KIRREL1: variants seen among roughly 807,000 people sequenced by gnomAD.
KIRREL1 encodes kin of IRRE-like protein 1.
A neutral mutation model predicts 83.3 loss-of-function variants in KIRREL1; 25 were observed. The ratio of observed to expected loss-of-function variants is 0.30; its 90% CI spans 0.22 to 0.42. KIRREL1 has a LOEUF of 0.42. KIRREL1 is among the 10% of genes least tolerant of loss of function. The pLI, the probability that KIRREL1 is intolerant of heterozygous loss-of-function variation, is 1.00. For missense variants in KIRREL1, 812 were observed against 1,032.3 expected (o/e 0.79, Z 2.92); for synonymous variants, 388 against 410.4 (o/e 0.95, Z 0.66).
At chr1:158,040,831 C>A (rs1049072473) in intron 1 of KIRREL1, among the ~76,000 whole-genome samples, 2 of 152,076 alleles carry the variant, frequency 1.3e-5, no homozygotes, top group Non-Finnish European at 2.9e-5. Flanking sequence ...AAGTTGGGAA[C>A]CTGGTTATGA....
In KIRREL1 at chr1:158,094,295, A is replaced by G. The variant is rs776112387; in HGVS notation, c.1720-18A>G. The stretch of plus-strand genomic sequence containing the variant: ...CAGGGCTTCCGTCTGCTGACGTCCC[A>G]CTCCTGCTGCTCCACAGTCGTTTAA... On this transcript the variant is annotated intron_variant, in intron 13 of 14. Transcript: ENST00000359209. This position sits in a 1 kb window ranked among gnomAD's most constrained non-coding sequence, Gnocchi z 4.6. The G allele has an allele frequency of 3.8e-6, 6 of 1,591,890 alleles. No homozygotes were observed. Among genetic ancestry groups the G allele is most frequent in the Middle Eastern group, 3.3e-4 (2 of 6,038 alleles).
chr1:158,065,280 A>G (rs1290607675), intron 1 of KIRREL1, among the ~76,000 whole-genome samples: 1 of 152,160 alleles, frequency 6.6e-6, no homozygotes, highest in Non-Finnish European at 1.5e-5. Context: ...GGACCCAGGC[A>G]CCATTCTGGC....
chr1:158,039,500 G>A (rs887088019), intron 1 of KIRREL1, among the ~76,000 whole-genome samples: 6 of 152,168 alleles, frequency 3.9e-5, no homozygotes, highest in South Asian at 2.1e-4. Context: ...AAGGCTGAGC[G>A]GGATGTGAGA....
intron 1 of KIRREL1, among the ~76,000 whole-genome samples, chr1:158,069,721 C>T (rs1451782280): frequency 6.6e-6 from 1 of 152,200 alleles, no homozygotes; most frequent in Non-Finnish European, 1.5e-5. Flanking sequence ...GAGCCAGTGG[C>T]CTGGCTCCTT....
At chr1:158,077,020 C>T (rs1047072140) in intron 2 of KIRREL1, among the ~76,000 whole-genome samples, 4 of 152,178 alleles carry the variant, frequency 2.6e-5, no homozygotes, top group African/African-American at 9.7e-5. Flanking sequence ...GGTTGCAGGC[C>T]GGTCTGCCTT....
intron 1 of KIRREL1, among the ~76,000 whole-genome samples, chr1:158,063,554 A>G (rs1661273772): frequency 6.6e-6 from 1 of 152,186 alleles, no homozygotes; most frequent in African/African-American, 2.4e-5. Flanking sequence ...ATAGAATGTG[A>G]TGAGCAGGCA....
intron 1 of KIRREL1, among the ~76,000 whole-genome samples, chr1:158,068,659 T>C (rs888520309): frequency 1.3e-5 from 2 of 152,194 alleles, no homozygotes; most frequent in Non-Finnish European, 2.9e-5. Flanking sequence ...CTATCAGAAG[T>C]GCCAATCTCT....
intron 1 of KIRREL1, among the ~76,000 whole-genome samples, chr1:158,069,320 G>GTGTGTGTA (rs934903898): frequency 6.6e-6 from 1 of 151,562 alleles, no homozygotes; most frequent in African/African-American, 2.4e-5. Context: ...GTGTGTGTGT[G>GTGTGTGTA]TGTGTGTGTG....
At chr1:158,036,587 G>GAT (rs1180794842) in intron 1 of KIRREL1, among the ~76,000 whole-genome samples, 2 of 152,142 alleles carry the variant, frequency 1.3e-5, no homozygotes, top group African/African-American at 4.8e-5. Flanking sequence ...CACGGAGGAG[G>GAT]ATGGTGTAAG....
In KIRREL1 at chr1:158,098,803, C is replaced by T. The variant is rs1219566279; in HGVS notation, c.*3683C>T. The T allele has an allele frequency of 6.6e-6, 1 of 152,206 alleles. No homozygotes were observed. The highest frequency in any genetic ancestry group is 1.5e-5 in the Non-Finnish European group (1 of 68,054). 9.4% of individuals were successfully genotyped at this position (152,206 alleles called of 1,614,324 possible). ...CCTGTCTTCAAGCGGTACGCTCTCC[C>T]CTTATTCCAGCAGGGCTACTTTCCT... On this transcript the variant is annotated 3_prime_UTR_variant, in exon 15 of 15. Transcript: ENST00000359209.
In KIRREL1 at chr1:158,077,872, C is replaced by T; in HGVS notation, c.203-119C>T. ...GGCATCAGGTGTCTGTGTCTGGGGC[C>T]TCACCTTCTCACCTGTCAGTGGTGT... is the stretch of plus-strand genomic sequence containing the variant. On this transcript the variant is annotated intron_variant, in intron 2 of 14. Coordinates refer to ENST00000359209, the MANE Select transcript of KIRREL1 (RefSeq NM_018240.7). 4 of 1,178,662 alleles carry T rather than the reference C, an allele frequency of 3.4e-6. No homozygotes were observed. In the South Asian group the frequency reaches 5.7e-5, roughly 17 times the overall value. 73.0% of individuals were successfully genotyped at this position (1,178,662 alleles called of 1,614,324 possible).
intron 1 of KIRREL1, among the ~76,000 whole-genome samples, chr1:158,040,118 G>A (rs1570940483): frequency 6.6e-6 from 1 of 152,252 alleles, no homozygotes; most frequent in South Asian, 2.1e-4. Context: ...TCATGTCTAG[G>A]GGCATAACAT....
Position 158,084,457 on chromosome 1 carries a change from G to A in KIRREL1, c.388G>A (p.Val130Met), listed in dbSNP as rs1217004617. ...GGACACCAGGATTGACGGAGGCCCT[G>A]TGATTCTACTGCAGGCAGGCACCCC... Reference protein sequence around the residue: ...PEDTRIDGGPVILLQAGTPHN... With the variant: ...PEDTRIDGGPMILLQAGTPHN... Residue 130 changes from valine to methionine, a missense_variant, in exon 4 of 15, where the codon GTG becomes ATG. Coordinates refer to ENST00000359209, the MANE Select transcript of KIRREL1 (RefSeq NM_018240.7). 1 of 1,551,844 alleles carries A rather than the reference G, an allele frequency of 6.4e-7. No homozygotes were observed. The highest frequency in any genetic ancestry group is 1.2e-5 in the South Asian group (1 of 84,058).
chr1:158,000,012 T>C (rs1036379577), intron 1 of KIRREL1, among the ~76,000 whole-genome samples: 1 of 150,242 alleles, frequency 6.7e-6, no homozygotes, highest in African/African-American at 2.4e-5. Flanking sequence ...TTGTCCAAGA[T>C]GATCCAGCTA....
intron 8 of KIRREL1, among the ~76,000 whole-genome samples, chr1:158,089,043 A>C (rs1662110786): frequency 6.6e-6 from 1 of 151,972 alleles, no homozygotes; most frequent in Non-Finnish European, 1.5e-5. Flanking sequence ...GCAGTGGTAA[A>C]GGTCTGGTAA....
At chr1:157,995,375 G>A (rs1369915235) in intron 1 of KIRREL1, among the ~76,000 whole-genome samples, 1 of 152,176 alleles carries the variant, frequency 6.6e-6, no homozygotes, top group Admixed American at 6.5e-5. Context: ...GCCTGGCCCT[G>A]GGGTTGGCAG....
In KIRREL1 at chr1:158,025,212, A is replaced by G. The variant is rs1318470916; in HGVS notation, c.52+31484A>G. Among the ~76,000 whole-genome samples, 6 of 152,200 alleles carry G rather than the reference A, an allele frequency of 3.9e-5. No individual in the cohort carries two copies. The East Asian group carries it at 9.6e-4, about 24-fold the overall frequency. On this transcript the variant is annotated intron_variant, in intron 1 of 14. Coordinates refer to ENST00000359209, the MANE Select transcript of KIRREL1 (RefSeq NM_018240.7). Reference sequence around the variant, plus strand: ...CCCCCATTCTCTCTTCCCACCGGGAAAGGGAAAGAATGCATGCACAGATTT... The same window carrying G: ...CCCCCATTCTCTCTTCCCACCGGGAGAGGGAAAGAATGCATGCACAGATTT...
chr1:158,017,696 A>C (rs1220564586), intron 1 of KIRREL1, among the ~76,000 whole-genome samples: 1 of 152,084 alleles, frequency 6.6e-6, no homozygotes, highest in Non-Finnish European at 1.5e-5. Flanking sequence ...TGTCTCAAAA[A>C]AACAAAAATA....
chr1:158,018,297 G>C (rs1659893549), intron 1 of KIRREL1, among the ~76,000 whole-genome samples: 1 of 152,174 alleles, frequency 6.6e-6, no homozygotes. Context: ...ACAGGTCCCA[G>C]CCTAATACTT....
Sources: gnomAD v4.1 joint callset for allele counts (sites outside exome capture counted in the v4.1 genomes callset) on GRCh38, gnomAD v4.1.1 for gene constraint, Gnocchi (gnomAD v3.1) non-coding constraint, MANE v1.5 for transcripts, NCBI Gene and HGNC (gene_info 2026-07-23, HGNC 2026-07-21) for gene names.